The following TEKT5 variants were observed in gnomAD, a reference collection of about 807,000 sequenced individuals.
The protein encoded by TEKT5 is tektin 5.
A neutral mutation model predicts 48.7 loss-of-function variants in TEKT5; 52 were observed. The observed-to-expected ratio is 1.07, with a 90% confidence interval of 0.86 to 1.35. The LOEUF is 1.35. TEKT5 is among the 40% of genes most tolerant of loss of function. The probability of loss-of-function intolerance (pLI) is 0.00; values close to 1 mark genes in which losing one functional copy is unlikely to be tolerated. For synonymous variants in TEKT5, 318 were observed against 267.6 expected (o/e 1.19, Z -1.84); for missense variants, 831 against 641.6 (o/e 1.30, Z -3.19).
chr16:10,635,727 AGGGGTT>A, intron 6 of TEKT5, 31 bp downstream of exon 6: 1 of 1,593,628 alleles, frequency 6.3e-7, no homozygotes, highest in Non-Finnish European at 8.6e-7. Context: ...CTGGATTCCC[AGGGGTT>A]CTCCTGCCTC....
chr16:10,657,772 T>TC lies in TEKT5; in HGVS notation c.1086+18186_1086+18187insG, dbSNP rs1449424048. 1.3e-5 allele frequency among the ~76,000 whole-genome samples: 2 copies of TC among 149,786 alleles called. 1 individual carries two copies. The highest frequency in any genetic ancestry group is 4.9e-5 in the African/African-American group (2 of 40,692). The stretch of plus-strand genomic sequence containing the variant: ...GCCAAGCTAATTTTTTTTTTTTTTT[T>TC]TGTATCTTTAGTAGAGACAGGGTTT... On this transcript the variant is annotated intron_variant, in intron 5 of 6. Transcript: ENST00000283025.
intron 5 of TEKT5, among the ~76,000 whole-genome samples, chr16:10,646,992 T>C (rs1567226872): frequency 2.0e-5 from 3 of 152,188 alleles, no homozygotes; most frequent in Non-Finnish European, 2.9e-5. Flanking sequence ...ACCCTTAGAA[T>C]GCACCACTTC....
At chr16:10,686,823 G>A (rs976218429) in intron 3 of TEKT5, among the ~76,000 whole-genome samples, 3 of 152,124 alleles carry the variant, frequency 2.0e-5, no homozygotes, top group South Asian at 2.1e-4. Context: ...GCCAAGATAC[G>A]AAATCAACCT....
In TEKT5 at chr16:10,635,792, C is replaced by T. The variant is rs982680284; in HGVS notation, c.1213G>A (p.Glu405Lys). 1.2e-6 allele frequency: 2 copies of T among 1,614,192 alleles called. No individual in the cohort carries two copies. Among genetic ancestry groups the T allele is most frequent in the African/African-American group, 1.3e-5 (1 of 75,056 alleles). ...AACTGCGGGATGTCCCTGCACAGCT[C>T]CATGTTGGGGCGCCGGGTCCGGCAC... ...LECRTRRPNM[E>K]LCRDIPQLKL... Residue 405 changes from glutamate (E) to lysine (K), a missense_variant, in exon 6 of 7, where the codon GAG becomes AAG. Coordinates refer to ENST00000283025, the MANE Select transcript of TEKT5 (RefSeq NM_144674.2).
Position 10,694,734 on chromosome 16 carries a change from A to C in TEKT5, c.140T>G (p.Leu47Arg). 6.2e-7 allele frequency: 1 copy of C among 1,613,998 alleles called. No homozygotes were observed. Among genetic ancestry groups the C allele is most frequent in the Non-Finnish European group, 8.5e-7 (1 of 1,179,946 alleles). ...GAAGAGGCTAGGCCTCCATGAATTG[A>C]GGTAGCGGTACCCGGGCAGGTAGTA... ...QPYYLPGYRY[L>R]NSWRPSLFYK... Residue 47 changes from leucine to arginine, a missense_variant, in exon 1 of 7, where the codon CTC becomes CGC. Coordinates refer to ENST00000283025, the MANE Select transcript of TEKT5 (RefSeq NM_144674.2).
Position 10,674,754 on chromosome 16 carries a change from C to A in TEKT5, c.1086+1205G>T, listed in dbSNP as rs114220240. On this transcript the variant is annotated intron_variant, in intron 5 of 6. Coordinates refer to ENST00000283025, the MANE Select transcript of TEKT5 (RefSeq NM_144674.2). ...TGGGCTGAAACTACCACTGTAATTT[C>A]CATCAAACCCTGCCTGCAGCCCACT... 6.1e-3 allele frequency among the ~76,000 whole-genome samples: 919 copies of A among 151,870 alleles called. 5 individuals carry two copies. Among genetic ancestry groups the A allele is most frequent in the African/African-American group, 0.021 (864 of 41,386 alleles).
chr16:10,655,466 G>T (rs910249206), intron 5 of TEKT5, among the ~76,000 whole-genome samples: 1 of 152,094 alleles, frequency 6.6e-6, no homozygotes, highest in Admixed American at 6.6e-5. Context: ...TAGGATTATT[G>T]TGAGGGTTAT....
At chr16:10,637,653 T>C (rs192688978) in intron 5 of TEKT5, among the ~76,000 whole-genome samples, 86 of 152,362 alleles carry the variant, frequency 5.6e-4, no homozygotes, top group African/African-American at 1.9e-3. Flanking sequence ...GTTTCACAGA[T>C]ATAAACATAG....
chr16:10,681,177 T>C (rs1031588298), intron 4 of TEKT5, among the ~76,000 whole-genome samples: 6 of 152,142 alleles, frequency 3.9e-5, no homozygotes, highest in Non-Finnish European at 8.8e-5. Context: ...TTGGCTGTGA[T>C]TATTCTATAC....
chr16:10,648,846 G>T (rs2142271698), intron 5 of TEKT5, among the ~76,000 whole-genome samples: 1 of 152,338 alleles, frequency 6.6e-6, no homozygotes, highest in Non-Finnish European at 1.5e-5. Flanking sequence ...TTGAATGGTT[G>T]GCTCTGCTTC....
chr16:10,656,954 G>A (rs1208132383), intron 5 of TEKT5, among the ~76,000 whole-genome samples: 2 of 151,594 alleles, frequency 1.3e-5, no homozygotes, highest in Non-Finnish European at 2.9e-5. Context: ...GCCCAAGCTG[G>A]TCTTGAACTC....
intron 5 of TEKT5, among the ~76,000 whole-genome samples, chr16:10,674,617 GAAA>G (rs57583870): frequency 3.9e-4 from 29 of 74,724 alleles, no homozygotes; most frequent in African/African-American, 9.4e-4. Flanking sequence ...GATCATCTCA[GAAA>G]AAAAAAAAAA....
At chr16:10,677,964 C>T (rs7203881) in intron 4 of TEKT5, among the ~76,000 whole-genome samples, 33,298 of 152,048 alleles carry the variant, frequency 0.22, 4,920 homozygotes, top group African/African-American at 0.43. Context: ...CAAAGGCAGG[C>T]AGGGAAGGCT....
chr16:10,685,549 G>A (rs988903531), intron 3 of TEKT5, among the ~76,000 whole-genome samples: 3 of 151,940 alleles, frequency 2.0e-5, no homozygotes, highest in African/African-American at 4.8e-5. Flanking sequence ...CACCCACCTC[G>A]GCCTCCCAAA....
intron 5 of TEKT5, among the ~76,000 whole-genome samples, chr16:10,640,450 G>C (rs1212940749): frequency 1.3e-5 from 2 of 152,090 alleles, no homozygotes; most frequent in Non-Finnish European, 2.9e-5. Context: ...ATTTTTTTAA[G>C]CTTTACAGCT....
At chr16:10,659,607 C>T (rs749639034) in intron 5 of TEKT5, among the ~76,000 whole-genome samples, 7 of 152,104 alleles carry the variant, frequency 4.6e-5, no homozygotes, top group South Asian at 2.1e-4. Context: ...GTGATCTGCC[C>T]GCCTCAACCT....
intron 5 of TEKT5, among the ~76,000 whole-genome samples, chr16:10,663,086 G>GA (rs1898402155): frequency 2.6e-5 from 4 of 152,252 alleles, no homozygotes; most frequent in Non-Finnish European, 4.4e-5. Context: ...AAAGGGTTGA[G>GA]GTCAGCACTG....
intron 2 of TEKT5, 52 bp from the exon 3 acceptor site, chr16:10,689,375 T>A (rs1449432471): frequency 6.7e-7 from 1 of 1,483,938 alleles, no homozygotes; most frequent in Non-Finnish European, 9.4e-7. Flanking sequence ...CTCACAGTCT[T>A]CTCTCCCAGG....
chr16:10,644,560 C>T (rs1898042442), intron 5 of TEKT5, among the ~76,000 whole-genome samples: 1 of 152,162 alleles, frequency 6.6e-6, no homozygotes, highest in East Asian at 1.9e-4. Flanking sequence ...CATCACTGCA[C>T]CCCTCACCTG....
Sources: gnomAD v4.1 joint callset for allele counts (sites outside exome capture counted in the v4.1 genomes callset) on GRCh38, gnomAD v4.1.1 for gene constraint, MANE v1.5 for transcripts, NCBI Gene and HGNC (gene_info 2026-07-23, HGNC 2026-07-21) for gene names.